Variants in SANBR observed in about 807,000 individuals in gnomAD.
The protein encoded by SANBR is SANT and BTB domain regulator of class switch recombination.
A neutral mutation model predicts 101.8 loss-of-function variants in SANBR; 77 were observed. The ratio of observed to expected loss-of-function variants is 0.76; its 90% CI spans 0.63 to 0.91. The LOEUF is 0.91. Among genes scored for constraint, SANBR ranks in the 40% least tolerant of loss-of-function variants. SANBR has a pLI of 0.00. For missense variants in SANBR, 875 were observed against 853.0 expected, an observed-to-expected ratio of 1.03 and a Z score of -0.32; for synonymous variants, 279 against 274.7, an observed-to-expected ratio of 1.02 and a Z score of -0.15.
In SANBR at chr2:61,081,309, A is replaced by T. The variant is rs561416974; in HGVS notation, c.671-143A>T. The T allele has an allele frequency of 2.9e-5, 21 of 723,532 alleles. No individual in the cohort carries two copies. The South Asian group carries it at 5.6e-4, about 19-fold the overall frequency. 44.8% of individuals were successfully genotyped at this position (723,532 alleles called of 1,614,324 possible). On this transcript the variant is annotated intron_variant, in intron 6 of 21. Coordinates refer to ENST00000402291, the MANE Select transcript of SANBR (RefSeq NM_001129993.3). ...TTTAACATTGAATTTTCTTTATTTTATGTATCTAACCCATAAGCTATAATA... is the reference window on the plus strand; with the variant it reads ...TTTAACATTGAATTTTCTTTATTTTTTGTATCTAACCCATAAGCTATAATA...
chr2:61,131,004 C>T (rs1286571751), intron 20 of SANBR, among the ~76,000 whole-genome samples: 1 of 145,650 alleles, frequency 6.9e-6, no homozygotes, highest in East Asian at 2.0e-4. Flanking sequence ...ATCGACAAGC[C>T]CAATATTCTT....
intron 1 of SANBR, among the ~76,000 whole-genome samples, chr2:61,068,532 G>GGT (rs1470487220): frequency 6.6e-6 from 1 of 152,186 alleles, no homozygotes; most frequent in Non-Finnish European, 1.5e-5. Flanking sequence ...TAACTCCAAA[G>GGT]GTTAGGTATT....
chr2:61,093,424 C>T (rs1329256164), intron 11 of SANBR: 2 of 151,956 alleles, frequency 1.3e-5, no homozygotes, highest in East Asian at 1.9e-4. Context: ...GGAGAAACCT[C>T]ATCTCTACTA....
intron 11 of SANBR, among the ~76,000 whole-genome samples, chr2:61,093,552 G>A (rs907880434): frequency 4.6e-5 from 7 of 152,036 alleles, no homozygotes; most frequent in Admixed American, 2.0e-4. Context: ...CTGAGATTGC[G>A]CCATTGCACT....
intron 6 of SANBR, among the ~76,000 whole-genome samples, chr2:61,080,122 G>A (rs1309166245): frequency 6.7e-5 from 10 of 149,666 alleles, no homozygotes; most frequent in African/African-American, 2.2e-4. Context: ...GCTTGAAACC[G>A]GAAGGCGGAG....
chr2:61,118,207 G>A, intron 20 of SANBR, 91 bp downstream of exon 20: 2 of 823,236 alleles, frequency 2.4e-6, no homozygotes, highest in Non-Finnish European at 1.9e-6. Context: ...GTCTTAGGCA[G>A]AATTTTAAAA....
intron 17 of SANBR, 32 bp downstream of exon 17, chr2:61,116,102 T>C (rs368015032): frequency 7.1e-7 from 1 of 1,417,406 alleles, no homozygotes; most frequent in East Asian, 2.3e-5. Flanking sequence ...TTAAAGTTCA[T>C]ATGGAAAAAT....
chr2:61,105,957 A>G (rs994079863), intron 13 of SANBR, among the ~76,000 whole-genome samples: 3 of 152,150 alleles, frequency 2.0e-5, no homozygotes, highest in African/African-American at 7.2e-5. Context: ...GGCGTGACCC[A>G]CTGTGCCCAG....
intron 15 of SANBR, 42 bp from the exon 16 acceptor site, chr2:61,109,155 A>C (rs1268144747): frequency 4.9e-6 from 5 of 1,011,110 alleles, no homozygotes; most frequent in Admixed American, 2.7e-5. Flanking sequence ...TTCAATAAAA[A>C]ATCATAATAT....
intron 12 of SANBR, among the ~76,000 whole-genome samples, chr2:61,103,200 A>T (rs1329691124): frequency 4.1e-5 from 6 of 147,736 alleles, no homozygotes; most frequent in African/African-American, 1.5e-4. Flanking sequence ...CAGTGGCCTG[A>T]TCATGGCTAA....
At chr2:61,069,402 C>A (rs1350165428) in intron 2 of SANBR, among the ~76,000 whole-genome samples, 2 of 152,172 alleles carry the variant, frequency 1.3e-5, no homozygotes, top group Non-Finnish European at 2.9e-5. Context: ...CCTTGGCTAG[C>A]AGGTAGTAGA....
At chr2:61,118,923 C>G (rs1210924214) in intron 20 of SANBR, among the ~76,000 whole-genome samples, 20 of 152,182 alleles carry the variant, frequency 1.3e-4, no homozygotes, top group Non-Finnish European at 5.9e-5. Context: ...AAGTTTTCCA[C>G]CATGTCTTAT....
At chr2:61,112,992 A>G (rs765735348) in intron 16 of SANBR, among the ~76,000 whole-genome samples, 1 of 152,168 alleles carries the variant, frequency 6.6e-6, no homozygotes, top group Non-Finnish European at 1.5e-5. Flanking sequence ...GATCCCATTC[A>G]GGTTAATTTT....
rs761611273 is a variant in SANBR at position 61,083,272 on chromosome 2, A to G, written c.848A>G (p.Asn283Ser). The G allele has an allele frequency of 3.1e-6, 5 of 1,609,250 alleles. No homozygotes were observed. The African/African-American group carries it at 4.0e-5, about 13-fold the overall frequency. Residue 283 changes from asparagine to serine, a missense_variant, in exon 8 of 22, where the codon AAT becomes AGT. Asn to Ser is a conservative substitution (Grantham distance 46, BLOSUM62 1). Transcript: ENST00000402291. ...CGTATAGCTGATCTGTTCTCACACA[A>G]TGAAGTTGATGATTTAAAGGACAAA... is the stretch of plus-strand genomic sequence containing the variant. The part of the protein sequence containing the change: ...LTRIADLFSH[N>S]EVDDLKDKKD...
chr2:61,083,788 G>A (rs1573606207), intron 8 of SANBR, among the ~76,000 whole-genome samples: 1 of 151,384 alleles, frequency 6.6e-6, no homozygotes, highest in Admixed American at 6.6e-5. Context: ...AGAATGGCAT[G>A]AACCTGGGAG....
rs1684359375 is a variant in SANBR at position 61,122,215 on chromosome 2, A to G, written c.*53A>G. ...AGAAGGCACTCTTCTGGACATCTGAAATTGCTCACTTCTTGAAGATCTTCA... is the reference window on the plus strand; with the variant it reads ...AGAAGGCACTCTTCTGGACATCTGAGATTGCTCACTTCTTGAAGATCTTCA... On this transcript the variant is annotated 3_prime_UTR_variant, in exon 22 of 22. Transcript: ENST00000402291. 6.6e-7 allele frequency: 1 copy of G among 1,513,108 alleles called. No individual in the cohort carries two copies. The highest frequency in any genetic ancestry group is 1.3e-5 in the South Asian group (1 of 76,218). The allele number at this position is 1,513,108 out of a possible 1,614,324, so 93.7% of individuals were successfully genotyped here.
Position 61,072,740 on chromosome 2 carries a change from C to A in SANBR, c.338-718C>A, listed in dbSNP as rs1254849959. Reference sequence around the variant, plus strand: ...TTTTTTAACTACGAATATTCTTTTACTTTATTTTAGAGGGGTTTGCCCTGT... The same window carrying A: ...TTTTTTAACTACGAATATTCTTTTAATTTATTTTAGAGGGGTTTGCCCTGT... On this transcript the variant is annotated intron_variant, in intron 4 of 21. Coordinates refer to ENST00000402291, the MANE Select transcript of SANBR (RefSeq NM_001129993.3). Among the ~76,000 whole-genome samples the A allele has an allele frequency of 2.2e-5, 3 of 136,248 alleles. No homozygotes were observed. In the Admixed American group the frequency reaches 2.3e-4, roughly 11 times the overall value. 89.4% of individuals were successfully genotyped at this position (136,248 alleles called of 152,430 possible). A position where few individuals can be genotyped will look rare whatever the true frequency, so the allele number is the denominator to read the frequency against.
chr2:61,070,229 T>C, intron 2 of SANBR, 113 bp from the exon 3 acceptor site: 1 of 720,940 alleles, frequency 1.4e-6, no homozygotes, highest in Non-Finnish European at 2.1e-6. Context: ...GTTTTACTTT[T>C]CCTTTACATG....
At chr2:61,066,920 T>C (rs1159876030) in intron 1 of SANBR, among the ~76,000 whole-genome samples, 2 of 152,208 alleles carry the variant, frequency 1.3e-5, no homozygotes, top group African/African-American at 2.4e-5. Flanking sequence ...TTTTGGTAAA[T>C]AACGTATTTT....
Sources: gnomAD v4.1 joint callset for allele counts (sites outside exome capture counted in the v4.1 genomes callset) on GRCh38, gnomAD v4.1.1 for gene constraint, MANE v1.5 for transcripts, NCBI Gene and HGNC (gene_info 2026-07-23, HGNC 2026-07-21) for gene names.